ANO6: variants seen among roughly 807,000 people sequenced by gnomAD.
ANO6 encodes the protein anoctamin-6.
A neutral mutation model predicts 117.5 loss-of-function variants in ANO6; 106 were observed. The ratio of observed to expected loss-of-function variants is 0.90; its 90% CI spans 0.77 to 1.06. The LOEUF (loss-of-function observed/expected upper bound fraction) is 1.06, where lower values mean the gene tolerates loss of function less well. Among genes scored for constraint, ANO6 ranks in the 50% least tolerant of loss-of-function variants. The pLI is 0.00. For synonymous variants in ANO6, 367 were observed against 385.1 expected (o/e 0.95, Z 0.55); for missense variants, 955 against 1,121.1 (o/e 0.85, Z 2.12).
intron 2 of ANO6, among the ~76,000 whole-genome samples, chr12:45,316,770 T>G (rs1356358807): frequency 2.0e-5 from 3 of 151,486 alleles, no homozygotes; most frequent in Admixed American, 6.6e-5. Flanking sequence ...ATATATGACA[T>G]ATATATGTAT....
rs1459552363 is a variant in ANO6, at chr12:45,439,673, A to C, written c.2527-2A>C. 1.5e-5 allele frequency: 19 copies of C among 1,257,422 alleles called. No individual in the cohort carries two copies. Among genetic ancestry groups the C allele is most frequent in the Non-Finnish European group, 1.5e-5 (15 of 994,212 alleles). 77.9% of individuals were successfully genotyped at this position (1,257,422 alleles called of 1,614,324 possible). The stretch of plus-strand genomic sequence containing the variant: ...TTTTTTTTTTTTTTTTTTTTGAGAC[A>C]GTATCTCGCTTTGTTGCCCAGGCTG... On this transcript the variant is annotated splice_acceptor_variant, in intron 19 of 19. Coordinates refer to the ANO6 transcript ENST00000425752. LOFTEE classifies it high-confidence loss of function.
chr12:45,327,090 A>G (rs1261380349), intron 2 of ANO6, among the ~76,000 whole-genome samples: 13 of 152,178 alleles, frequency 8.5e-5, no homozygotes, highest in Admixed American at 7.9e-4. Flanking sequence ...CATCAGTAAG[A>G]AGACCCAAGA....
intron 1 of ANO6, among the ~76,000 whole-genome samples, chr12:45,256,217 A>G (rs1201409031): frequency 2.0e-5 from 3 of 152,296 alleles, no homozygotes; most frequent in East Asian, 1.9e-4. Flanking sequence ...ACATGGGTAG[A>G]CACTGTTGGC....
At chr12:45,263,045 C>T (rs1938094138) in intron 1 of ANO6, among the ~76,000 whole-genome samples, 1 of 151,698 alleles carries the variant, frequency 6.6e-6, no homozygotes, top group African/African-American at 2.4e-5. Flanking sequence ...CATAATCATT[C>T]CTTGATTGTT....
At chr12:45,233,496 C>T (rs1025103774) in intron 1 of ANO6, among the ~76,000 whole-genome samples, 1 of 151,914 alleles carries the variant, frequency 6.6e-6, no homozygotes, top group Non-Finnish European at 1.5e-5. Flanking sequence ...ATATCTAATA[C>T]CTCTAATTCC....
At chr12:45,342,771 C>G (rs551740589) in intron 3 of ANO6, among the ~76,000 whole-genome samples, 2 of 152,140 alleles carry the variant, frequency 1.3e-5, no homozygotes, top group Admixed American at 6.5e-5. Flanking sequence ...TTAAAAGACA[C>G]CACTGAAGTA....
chr12:45,299,354 A>G (rs1348812159), intron 1 of ANO6, among the ~76,000 whole-genome samples: 1 of 152,160 alleles, frequency 6.6e-6, no homozygotes, highest in South Asian at 2.1e-4. Context: ...AATTTTGGCA[A>G]TGGTTGCAGC....
intron 2 of ANO6, among the ~76,000 whole-genome samples, chr12:45,302,402 G>A (rs2161790): frequency 0.98 from 149,998 of 152,310 alleles, 73,914 homozygotes; most frequent in Middle Eastern, 1. Context: ...TACCATTGCT[G>A]TCAGTATCTG....
At chr12:45,317,113 G>GTGTGTGTA in intron 2 of ANO6, among the ~76,000 whole-genome samples, 2,710 of 66,402 alleles carry the variant, frequency 0.041, 729 homozygotes, top group Admixed American at 0.31. Context: ...CTTTTTATAT[G>GTGTGTGTA]TATATATATA....
chr12:45,254,360 A>C (rs1292584921), intron 1 of ANO6, among the ~76,000 whole-genome samples: 1 of 152,110 alleles, frequency 6.6e-6, no homozygotes. Flanking sequence ...GGAGAGGAGG[A>C]TGGGGATGTT....
At chr12:45,223,069 A>G (rs569126694) in intron 1 of ANO6, among the ~76,000 whole-genome samples, 2 of 152,350 alleles carry the variant, frequency 1.3e-5, no homozygotes, top group Non-Finnish European at 2.9e-5. Flanking sequence ...CTTTTCCCGC[A>G]TACCTCACTC....
At chr12:45,308,650 G>A (rs1437391337) in intron 2 of ANO6, among the ~76,000 whole-genome samples, 1 of 152,086 alleles carries the variant, frequency 6.6e-6, no homozygotes, top group African/African-American at 2.4e-5. Flanking sequence ...TGTAGAATAG[G>A]CAGAGTTTGA....
exon 20 of ANO6, chr12:45,439,765 A>T (rs1268189203): frequency 6.5e-7 from 1 of 1,547,714 alleles, no homozygotes; most frequent in Admixed American, 2.0e-5. Flanking sequence ...TATGTGTTAT[A>T]GGTTTGTCGA....
chr12:45,439,765 A>G (rs1268189203), exon 20 of ANO6: 75 of 1,547,614 alleles, frequency 4.8e-5, no homozygotes, highest in Non-Finnish European at 6.3e-5. Context: ...TATGTGTTAT[A>G]GGTTTGTCGA....
intron 1 of ANO6, among the ~76,000 whole-genome samples, chr12:45,291,346 CAAA>C (rs747924513): frequency 2.5e-4 from 12 of 48,236 alleles, no homozygotes; most frequent in African/African-American, 7.3e-4. Flanking sequence ...AACTCCGTCT[CAAA>C]AAAAAAAAAA....
At chr12:45,435,372 A>C (rs1385630854), downstream of ANO6, among the ~76,000 whole-genome samples, 1 of 152,206 alleles carries the variant, frequency 6.6e-6, no homozygotes, top group Non-Finnish European at 1.5e-5. Flanking sequence ...ACCACCCCTC[A>C]GTGCAGCCCA....
At chr12:45,254,239 G>A (rs756861472) in intron 1 of ANO6, among the ~76,000 whole-genome samples, 11 of 152,208 alleles carry the variant, frequency 7.2e-5, no homozygotes, top group Non-Finnish European at 1.5e-4. Context: ...AGGCAGTAGA[G>A]AAAGATTATG....
intron 2 of ANO6, among the ~76,000 whole-genome samples, chr12:45,327,669 T>G (rs1468725653): frequency 1.3e-5 from 2 of 152,158 alleles, no homozygotes; most frequent in African/African-American, 4.8e-5. Context: ...GTTAGTGTGT[T>G]TGTGTGCTCT....
Position 45,390,455 on chromosome 12 carries a change from A to G in ANO6, c.1343A>G (p.Lys448Arg), listed in dbSNP as rs1942416282. 8 of 1,613,908 alleles carry G rather than the reference A, an allele frequency of 5.0e-6. No homozygotes were observed. The Admixed American group carries it at 8.3e-5, about 17-fold the overall frequency. Residue 448 changes from lysine to arginine, a missense_variant, in exon 12 of 20, where the codon AAA (lysine) becomes AGA (arginine). Lys to Arg is a conservative substitution (Grantham distance 26). Coordinates refer to ENST00000320560, the MANE Select transcript of ANO6 (RefSeq NM_001025356.3). ...CGCATTCCCTTTACTGCCTGGGGAA[A>G]ATGTATACGGATAACCCTCTGTGCC... ...EERIPFTAWG[K>R]CIRITLCASA...
Sources: gnomAD v4.1 joint callset for allele counts (sites outside exome capture counted in the v4.1 genomes callset) on GRCh38, gnomAD v4.1.1 for gene constraint, MANE v1.5 for transcripts, NCBI Gene and HGNC (gene_info 2026-07-23, HGNC 2026-07-21) for gene names.